The following ESR1 variants were observed in gnomAD, a reference collection of about 807,000 sequenced individuals.
The protein encoded by ESR1 is estrogen receptor.
Under a neutral mutation model 52.7 loss-of-function variants are expected in ESR1, and 12 were observed. The ratio of observed to expected loss-of-function variants is 0.23; its 90% CI spans 0.15 to 0.37. The LOEUF (loss-of-function observed/expected upper bound fraction) is 0.37. Ranked by LOEUF, ESR1 falls within the 10% of genes least tolerant of loss-of-function variation. ESR1 has a pLI of 1.00. For missense variants in ESR1, 584 were observed against 779.7 expected, an observed-to-expected ratio of 0.75 and a Z score of 2.99; for synonymous variants, 305 against 316.8, an observed-to-expected ratio of 0.96 and a Z score of 0.39.
At chr6:151,729,325 C>A (rs186024612) in intron 2 of ESR1, among the ~76,000 whole-genome samples, 1 of 146,286 alleles carries the variant, frequency 6.8e-6, no homozygotes, top group East Asian at 2.1e-4. Flanking sequence ...CCTCCAGAAC[C>A]ATGAGAAGTA....
At chr6:152,022,194 G>A (rs1254573478) in intron 5 of ESR1, among the ~76,000 whole-genome samples, 3 of 152,168 alleles carry the variant, frequency 2.0e-5, no homozygotes, top group Non-Finnish European at 4.4e-5. Flanking sequence ...AGCCTCTGAG[G>A]AAAGCAGAAC....
At chr6:152,008,782 C>T (rs1562663378) in intron 4 of ESR1, among the ~76,000 whole-genome samples, 3 of 152,006 alleles carry the variant, frequency 2.0e-5, no homozygotes, top group Non-Finnish European at 4.4e-5. Context: ...GAGACAAAGC[C>T]TCCCTTTTGA....
intron 5 of ESR1, among the ~76,000 whole-genome samples, chr6:152,047,913 T>TCCAGG (rs58576655): frequency 0.014 from 2,179 of 150,782 alleles, 50 homozygotes; most frequent in African/African-American, 0.046. Flanking sequence ...GTCACAGGGT[T>TCCAGG]CCAGGATGTC....
At chr6:151,782,990 C>G (rs1786693283) in intron 2 of ESR1, among the ~76,000 whole-genome samples, 1 of 152,066 alleles carries the variant, frequency 6.6e-6, no homozygotes, top group African/African-American at 2.4e-5. Context: ...AATACCATCA[C>G]CTTAATGTTT....
intron 1 of ESR1, among the ~76,000 whole-genome samples, chr6:151,676,599 A>G (rs546360553): frequency 6.6e-6 from 1 of 152,204 alleles, no homozygotes; most frequent in Non-Finnish European, 1.5e-5. Context: ...GTCTTGTCAT[A>G]ATTATTTTCA....
chr6:152,027,890 T>C (rs905494372), intron 5 of ESR1, among the ~76,000 whole-genome samples: 3 of 152,158 alleles, frequency 2.0e-5, no homozygotes, highest in African/African-American at 7.2e-5. Context: ...ATGCCTGTAA[T>C]CCCAGCACTT....
intron 3 of ESR1, among the ~76,000 whole-genome samples, chr6:151,908,665 A>G (rs1346220852): frequency 6.6e-6 from 1 of 152,194 alleles, no homozygotes; most frequent in Non-Finnish European, 1.5e-5. Flanking sequence ...GAAATAAGTT[A>G]ACTTTCCTAT....
chr6:151,817,530 G>T (rs1022944202), intron 1 of ESR1, among the ~76,000 whole-genome samples: 3 of 152,188 alleles, frequency 2.0e-5, no homozygotes, highest in Non-Finnish European at 2.9e-5. Context: ...AGGGTAAAAG[G>T]AGTGCTGGGG....
At chr6:152,104,922 T>C (rs1429224233), downstream of ESR1, among the ~76,000 whole-genome samples, 1 of 152,052 alleles carries the variant, frequency 6.6e-6, no homozygotes, top group Non-Finnish European at 1.5e-5. Context: ...GATGGTTGAA[T>C]AGATCATCAG....
At chr6:152,049,237 A>T (rs543996362) in intron 5 of ESR1, among the ~76,000 whole-genome samples, 1 of 152,224 alleles carries the variant, frequency 6.6e-6, no homozygotes, top group African/African-American at 2.4e-5. Flanking sequence ...TGACAGAAGC[A>T]TCTGTAATAA....
At chr6:151,697,589 A>T (rs1368111257) in intron 1 of ESR1, among the ~76,000 whole-genome samples, 1 of 152,246 alleles carries the variant, frequency 6.6e-6, no homozygotes, top group Non-Finnish European at 1.5e-5. Flanking sequence ...GAAGAAAATG[A>T]TCATATTTCT....
At chr6:151,659,839 C>A (rs1777578880) in intron 1 of ESR1, among the ~76,000 whole-genome samples, 1 of 152,174 alleles carries the variant, frequency 6.6e-6, no homozygotes, top group African/African-American at 2.4e-5. Flanking sequence ...CAGATTATGA[C>A]TGATCATTAA....
At chr6:151,807,641 C>T (rs925327099), upstream of ESR1, 4 of 579,800 alleles carry the variant, frequency 6.9e-6, no homozygotes, top group Non-Finnish European at 9.3e-6. Context: ...CATATGAGCT[C>T]GGGAGACCAG....
chr6:151,681,363 GC>G (rs1298894937), intron 1 of ESR1, among the ~76,000 whole-genome samples: 1 of 152,006 alleles, frequency 6.6e-6, no homozygotes, highest in East Asian at 1.9e-4. Context: ...ACTGATGAAA[GC>G]GACAGCAAGA....
intron 2 of ESR1, among the ~76,000 whole-genome samples, chr6:151,864,313 T>C (rs2128293714): frequency 6.6e-6 from 1 of 152,310 alleles, no homozygotes; most frequent in South Asian, 2.1e-4. Context: ...AAGACATTTA[T>C]GCAGCCAACA....
At chr6:151,975,207 G>A (rs549637297) in intron 4 of ESR1, among the ~76,000 whole-genome samples, 1 of 152,124 alleles carries the variant, frequency 6.6e-6, no homozygotes, top group African/African-American at 2.4e-5. Flanking sequence ...TACTTCTAAG[G>A]ATGGAATGCC....
intron 2 of ESR1, among the ~76,000 whole-genome samples, chr6:151,790,181 T>C (rs1311273196): frequency 1.3e-5 from 2 of 152,196 alleles, no homozygotes. Context: ...GGTAGCCCAC[T>C]TGGGCTGGAT....
rs530363640 is a variant in ESR1 at position 151,675,003 on chromosome 6, T to C, written n.73+18240T>C. On this transcript the variant is annotated intron_variant and non_coding_transcript_variant, in intron 1 of 2. Transcript: ENST00000473497. ...CAATCATAGCAGTGGAATTCCTTGATGGTTTATGAAAATAAATGTTTTTCT... is the reference window on the plus strand; with the variant it reads ...CAATCATAGCAGTGGAATTCCTTGACGGTTTATGAAAATAAATGTTTTTCT... Among the ~76,000 whole-genome samples, 4 of 152,348 alleles carry C rather than the reference T, an allele frequency of 2.6e-5. No individual in the cohort carries two copies. The East Asian group carries it at 7.7e-4, about 29-fold the overall frequency.
intron 5 of ESR1, among the ~76,000 whole-genome samples, chr6:152,037,744 GA>G (rs2045433162): frequency 6.6e-6 from 1 of 152,144 alleles, no homozygotes; most frequent in Non-Finnish European, 1.5e-5. Flanking sequence ...CTTTCTGCTG[GA>G]AAAATGAGGT....
Sources: allele counts gnomAD v4.1 joint callset (sites outside exome capture counted in the v4.1 genomes callset), GRCh38; gene constraint gnomAD v4.1.1; transcripts MANE v1.5; gene names NCBI Gene and HGNC (gene_info 2026-07-23, HGNC 2026-07-21).